CNTNAP2: variants seen among roughly 807,000 people sequenced by gnomAD.
CNTNAP2 encodes contactin associated protein 2, also known as contactin-associated protein-like 2.
Under a neutral mutation model 155.2 loss-of-function variants are expected in CNTNAP2, and 98 were observed. The ratio of observed to expected loss-of-function variants is 0.63; its 90% CI spans 0.54 to 0.75. The LOEUF (loss-of-function observed/expected upper bound fraction) is 0.75, where lower values mean the gene tolerates loss of function less well. Among genes scored for constraint, CNTNAP2 ranks in the 30% least tolerant of loss-of-function variants. The probability of loss-of-function intolerance (pLI) is 0.00; values close to 1 mark genes in which losing one functional copy is unlikely to be tolerated. For missense variants in CNTNAP2, 1,727 were observed against 1,688.1 expected (o/e 1.02, Z -0.40); for synonymous variants, 651 against 631.2 (o/e 1.03, Z -0.47).
chr7:147,260,488 A>G (rs1804435353), intron 8 of CNTNAP2, among the ~76,000 whole-genome samples: 1 of 152,322 alleles, frequency 6.6e-6, no homozygotes, highest in Admixed American at 6.5e-5. Context: ...CCAAGCATTC[A>G]TTAGAGGACA....
At chr7:148,298,914 G>C (rs1001631647) in intron 21 of CNTNAP2, among the ~76,000 whole-genome samples, 1 of 151,820 alleles carries the variant, frequency 6.6e-6, no homozygotes, top group African/African-American at 2.4e-5. Context: ...GTCTATGGCT[G>C]GTCTCGAACT....
chr7:146,720,916 T>TCTATATTCTATATATATACA (rs1801277379), intron 1 of CNTNAP2, among the ~76,000 whole-genome samples: 2 of 141,900 alleles, frequency 1.4e-5, no homozygotes, highest in Admixed American at 7.1e-5. Context: ...ATATATACTC[T>TCTATATTCTATATATATACA]CTATATATTC....
At chr7:147,460,772 T>C (rs539386049) in intron 10 of CNTNAP2, among the ~76,000 whole-genome samples, 2 of 152,354 alleles carry the variant, frequency 1.3e-5, no homozygotes, top group African/African-American at 2.4e-5. Context: ...TGGAAGACTT[T>C]CCTTGGCATT....
At chr7:148,064,394 A>G (rs1164453703) in intron 15 of CNTNAP2, among the ~76,000 whole-genome samples, 6 of 152,006 alleles carry the variant, frequency 3.9e-5, no homozygotes, top group Admixed American at 6.6e-5. Flanking sequence ...TGTGCTATCT[A>G]TGATTTCTTT....
intron 13 of CNTNAP2, among the ~76,000 whole-genome samples, chr7:147,721,903 A>G (rs1796572842): frequency 6.6e-6 from 1 of 152,144 alleles, no homozygotes. Context: ...CTAACTTCAT[A>G]GGCAATTGTT....
intron 1 of CNTNAP2, among the ~76,000 whole-genome samples, chr7:146,650,402 G>T (rs1432419172): frequency 2.0e-5 from 3 of 152,036 alleles, no homozygotes; most frequent in African/African-American, 7.2e-5. Flanking sequence ...AGGGACACGG[G>T]TGAAGCTGGA....
intron 21 of CNTNAP2, chr7:148,339,539 G>C (rs931937155): frequency 5.3e-5 from 8 of 152,150 alleles, no homozygotes; most frequent in African/African-American, 1.9e-4. Context: ...GACAAAGGAC[G>C]GTCCTCGGGG....
chr7:146,839,918 A>G lies in CNTNAP2; in HGVS notation c.402+14A>G. 4.3e-6 allele frequency: 7 copies of G among 1,613,748 alleles called. No individual in the cohort carries two copies. Among genetic ancestry groups the G allele is most frequent in the Non-Finnish European group, 5.9e-6 (7 of 1,179,784 alleles). On this transcript the variant is annotated intron_variant, in intron 3 of 23. Coordinates refer to ENST00000361727, the MANE Select transcript of CNTNAP2 (RefSeq NM_014141.6). ...GGGAATATCTGGGTAAGTCATTGGC[A>G]GGAAAGCAAAGACACAGAATTGGAT... is the stretch of plus-strand genomic sequence containing the variant.
chr7:148,288,138 C>T (rs1192674562), intron 21 of CNTNAP2, among the ~76,000 whole-genome samples: 4 of 128,562 alleles, frequency 3.1e-5, no homozygotes, highest in Non-Finnish European at 5.0e-5. Flanking sequence ...CTCACACTGT[C>T]GCCCGGGCTG....
chr7:148,151,794 G>A (rs1426336830), intron 17 of CNTNAP2, among the ~76,000 whole-genome samples: 1 of 152,160 alleles, frequency 6.6e-6, no homozygotes, highest in Non-Finnish European at 1.5e-5. Flanking sequence ...AAGCTCACAT[G>A]CAGAGATGTC....
chr7:146,151,866 A>G (rs1214917706), intron 1 of CNTNAP2, among the ~76,000 whole-genome samples: 1 of 150,976 alleles, frequency 6.6e-6, no homozygotes, highest in Non-Finnish European at 1.5e-5. Flanking sequence ...ACAAAAGATA[A>G]TAAGTCTTGG....
At chr7:146,645,026 C>CA (rs1157409869) in intron 1 of CNTNAP2, among the ~76,000 whole-genome samples, 3 of 151,714 alleles carry the variant, frequency 2.0e-5, no homozygotes, top group Non-Finnish European at 4.4e-5. Context: ...GAGACACAAC[C>CA]AAAAAAGAGA....
At chr7:146,607,241 A>C (rs1799063275) in intron 1 of CNTNAP2, among the ~76,000 whole-genome samples, 1 of 152,136 alleles carries the variant, frequency 6.6e-6, no homozygotes, top group Non-Finnish European at 1.5e-5. Context: ...CTTCTATGGA[A>C]GCATTCCCCA....
rs1478993452 is a variant in CNTNAP2 at position 147,132,228 on chromosome 7, G to A, written c.1084-17G>A. 1 of 1,613,260 alleles carries A rather than the reference G, an allele frequency of 6.2e-7. No homozygotes were observed. The highest frequency in any genetic ancestry group is 1.7e-5 in the Admixed American group (1 of 59,922). ...TTATTCTGTGTTTTCCTCAGAGCCTGTCTTTCTATTTTACAGGGAAATTTG... is the reference window on the plus strand; with the variant it reads ...TTATTCTGTGTTTTCCTCAGAGCCTATCTTTCTATTTTACAGGGAAATTTG... On this transcript the variant is annotated splice_polypyrimidine_tract_variant and intron_variant, in intron 7 of 23. Transcript: ENST00000361727.
chr7:147,094,526 C>T (rs1018816122), intron 4 of CNTNAP2, among the ~76,000 whole-genome samples: 3 of 151,644 alleles, frequency 2.0e-5, no homozygotes, highest in African/African-American at 4.8e-5. Flanking sequence ...CTCAGCCTCC[C>T]GCGTAGCTGG....
chr7:146,245,180 A>G (rs1162091875), intron 1 of CNTNAP2, among the ~76,000 whole-genome samples: 1 of 151,884 alleles, frequency 6.6e-6, no homozygotes, highest in Non-Finnish European at 1.5e-5. Flanking sequence ...AGAAGGAAAT[A>G]TGGGGAAATG....
Position 148,217,358 on chromosome 7 carries a change from A to G in CNTNAP2, c.3081A>G (p.Arg1027=), listed in dbSNP as rs1795660554. ...TTCAGGCACCAGCAACAAATGCCAG[A>G]GACTCCAGCAGCAGAGTAGACAACG... The part of the protein sequence containing the change: ...YNFQAPATNA[R]DSSSRVDNAP... Residue 1027 remains arginine, a synonymous_variant, in exon 19 of 24, where the codon AGA becomes AGG. Coordinates refer to ENST00000361727, the MANE Select transcript of CNTNAP2 (RefSeq NM_014141.6). The G allele has an allele frequency of 6.2e-7, 1 of 1,614,174 alleles. No individual in the cohort carries two copies. Among genetic ancestry groups the G allele is most frequent in the Non-Finnish European group, 8.5e-7 (1 of 1,180,022 alleles).
At chr7:146,642,823 G>T (rs982961973) in intron 1 of CNTNAP2, among the ~76,000 whole-genome samples, 4 of 151,588 alleles carry the variant, frequency 2.6e-5, no homozygotes, top group Non-Finnish European at 4.4e-5. Flanking sequence ...AGCACCTGTT[G>T]TTTCCTGACT....
intron 1 of CNTNAP2, among the ~76,000 whole-genome samples, chr7:146,297,136 T>C (rs1342337813): frequency 6.6e-6 from 1 of 152,134 alleles, no homozygotes; most frequent in African/African-American, 2.4e-5. Context: ...GATTGAATAT[T>C]ATTTCCATCA....
Sources: gnomAD v4.1 joint callset for allele counts (sites outside exome capture counted in the v4.1 genomes callset) on GRCh38, gnomAD v4.1.1 for gene constraint, MANE v1.5 for transcripts, NCBI Gene and HGNC (gene_info 2026-07-23, HGNC 2026-07-21) for gene names.